The following TMEM236 variants were observed in gnomAD, a reference collection of about 807,000 sequenced individuals.
TMEM236 encodes family with sequence similarity 23, member A.
A neutral mutation model predicts 14.7 loss-of-function variants in TMEM236; 11 were observed. The ratio of observed to expected loss-of-function variants is 0.75; its 90% CI spans 0.47 to 1.24. The LOEUF is 1.24. Ranked by LOEUF, TMEM236 falls within the 50% of genes most tolerant of loss-of-function variation. The pLI, the probability that TMEM236 is intolerant of heterozygous loss-of-function variation, is 0.00. For missense variants in TMEM236, 464 were observed against 427.3 expected (o/e 1.09, Z -0.76); for synonymous variants, 182 against 168.6 (o/e 1.08, Z -0.62).
intron 1 of TMEM236, among the ~76,000 whole-genome samples, chr10:17,754,035 G>A (rs1837247499): frequency 1.3e-5 from 2 of 152,270 alleles, no homozygotes; most frequent in South Asian, 4.2e-4. Flanking sequence ...TATACTGAGT[G>A]ATAATAACAC....
At position 17,768,085 on chromosome 10, in the gene TMEM236, G is replaced by GTTTTTTTTTTTTTTTTTTTTTTTTTTT. The variant is rs1181734908; in HGVS notation, c.258-3224_258-3223insTTTTTTTTTTTTTTTTTTTTTTTTTTT. On this transcript the variant is annotated intron_variant, in intron 1 of 3. Coordinates refer to ENST00000377495, the MANE Select transcript of TMEM236 (RefSeq NM_001098844.3). ...ACCACCACACCTCGCTAATTTTTGT[G>GTTTTTTTTTTTTTTTTTTTTTTTTTTT]GTTTTTTTTTTTTTTTTTTTTTTGT... 3.3e-4 allele frequency among the ~76,000 whole-genome samples: 33 copies of GTTTTTTTTTTTTTTTTTTTTTTTTTTT among 98,828 alleles called. 7 individuals are homozygous for GTTTTTTTTTTTTTTTTTTTTTTTTTTT. The highest frequency in any genetic ancestry group is 1.0e-3 in the African/African-American group (25 of 24,818). The allele number at this position is 98,828 out of a possible 152,430, so 64.8% of individuals were successfully genotyped here.
At position 17,752,320 on chromosome 10, in the gene TMEM236, T is replaced by G; in HGVS notation, c.25T>G (p.Phe9Val). 3 of 1,613,836 alleles carry G rather than the reference T, an allele frequency of 1.9e-6. No individual in the cohort carries two copies. The highest frequency in any genetic ancestry group is 2.5e-6 in the Non-Finnish European group (3 of 1,179,836). ...GATGGCTTCTGGAAGGCTCATTAAG[T>G]TCGTGGTTTTTGAGCTCCTAGAGTT... MASGRLIKFVVFELLEFAA... is the reference protein window; with the variant it reads MASGRLIKVVVFELLEFAA... Residue 9 changes from phenylalanine (F) to valine (V), a missense_variant, in exon 1 of 4, where the codon TTC (phenylalanine) becomes GTC (valine). Physicochemically the swap from Phe to Val is conservative, Grantham distance 50. Transcript: ENST00000377495.
chr10:17,772,319 T>C (rs1162011442), intron 2 of TMEM236, among the ~76,000 whole-genome samples: 3 of 152,172 alleles, frequency 2.0e-5, no homozygotes, highest in Non-Finnish European at 2.9e-5. Context: ...ATTAGGACAA[T>C]GTATGAAGGC....
At chr10:17,769,121 A>G (rs1837526567) in intron 1 of TMEM236, among the ~76,000 whole-genome samples, 1 of 148,928 alleles carries the variant, frequency 6.7e-6, no homozygotes, top group African/African-American at 2.4e-5. Flanking sequence ...TTTTAAAAGC[A>G]TGACTTCATT....
intron 2 of TMEM236, among the ~76,000 whole-genome samples, chr10:17,775,475 T>A (rs1837644513): frequency 6.6e-6 from 1 of 152,168 alleles, no homozygotes; most frequent in Non-Finnish European, 1.5e-5. Flanking sequence ...GGTTCTGGCC[T>A]TGTTGCTCAG....
intron 3 of TMEM236, among the ~76,000 whole-genome samples, chr10:17,786,348 G>T (rs1837837277): frequency 6.6e-6 from 1 of 152,166 alleles, no homozygotes; most frequent in Non-Finnish European, 1.5e-5. Flanking sequence ...TGCATAATGT[G>T]TGGATGTTCT....
intron 3 of TMEM236, among the ~76,000 whole-genome samples, chr10:17,790,461 C>T (rs1837908453): frequency 1.3e-5 from 2 of 152,028 alleles, no homozygotes; most frequent in African/African-American, 4.8e-5. Context: ...GAGGCTGGGG[C>T]AGGAGGATCG....
chr10:17,787,125 T>C (rs1554835764), intron 3 of TMEM236, among the ~76,000 whole-genome samples: 1 of 152,196 alleles, frequency 6.6e-6, no homozygotes, highest in African/African-American at 2.4e-5. Context: ...ACATGCCCTT[T>C]CTTCCCCCTG....
chr10:17,780,190 G>C (rs1049240919), intron 3 of TMEM236, among the ~76,000 whole-genome samples: 14 of 152,126 alleles, frequency 9.2e-5, no homozygotes, highest in African/African-American at 3.4e-4. Context: ...ATGTGGCAGA[G>C]CCAGACTCCT....
chr10:17,796,408 C>T lies in TMEM236; in HGVS notation c.960C>T (p.Gly320=). 5 of 1,613,818 alleles carry T rather than the reference C, an allele frequency of 3.1e-6. No homozygotes were observed. Among genetic ancestry groups the T allele is most frequent in the Non-Finnish European group, 4.2e-6 (5 of 1,179,802 alleles). The change falls in exon 4 of 4, where the codon GGC becomes GGT. Residue 320 remains glycine, a synonymous_variant. Transcript: ENST00000377495. ...IALGTITPVL[G]LCKNILVTLS... ...TGGGGACTATCACACCCGTACTGGGCCTGTGTAAAAATATCCTCGTGACTC... is the reference window on the plus strand; with the variant it reads ...TGGGGACTATCACACCCGTACTGGGTCTGTGTAAAAATATCCTCGTGACTC...
intron 3 of TMEM236, among the ~76,000 whole-genome samples, chr10:17,789,565 A>C (rs1164067380): frequency 6.6e-6 from 1 of 152,104 alleles, no homozygotes; most frequent in African/African-American, 2.4e-5. Flanking sequence ...TGTCTTCCCT[A>C]CCTCAGTGAG....
rs373801362 is a variant in TMEM236 at position 17,771,371 on chromosome 10, C to T, written c.320C>T (p.Ala107Val). The T allele has an allele frequency of 6.2e-7, 1 of 1,613,822 alleles. No individual in the cohort carries two copies. Among genetic ancestry groups the T allele is most frequent in the African/African-American group, 1.3e-5 (1 of 75,044 alleles). Residue 107 changes from alanine (A) to valine (V), a missense_variant, in exon 2 of 4, where the codon GCA becomes GTA. By Grantham distance (64) the Ala-to-Val change is moderately conservative. Coordinates refer to ENST00000377495, the MANE Select transcript of TMEM236 (RefSeq NM_001098844.3). ...CTGCCCTGCCTCACCTTTTCCATAG[C>T]AGTGACTGAGGTATGGAATTTTTGA... ...TTLPCLTFSI[A>V]VTEVQKSING...
intron 1 of TMEM236, among the ~76,000 whole-genome samples, chr10:17,770,484 C>T (rs944948305): frequency 3.9e-5 from 6 of 152,084 alleles, no homozygotes; most frequent in Admixed American, 2.6e-4. Flanking sequence ...CCCGGGTTCA[C>T]GCCGTTCTCC....
chr10:17,793,405 C>T (rs930003508), intron 3 of TMEM236, among the ~76,000 whole-genome samples: 23 of 152,236 alleles, frequency 1.5e-4, no homozygotes, highest in African/African-American at 5.1e-4. Flanking sequence ...GTTTCACCTA[C>T]CAAGAGAGGG....
Position 17,797,634 on chromosome 10 carries a change from G to A in TMEM236, c.*1130G>A, listed in dbSNP as rs1348413465. On this transcript the variant is annotated 3_prime_UTR_variant, in exon 4 of 4. Coordinates refer to ENST00000377495, the MANE Select transcript of TMEM236 (RefSeq NM_001098844.3). ...AAATTTGAAAATTGTAGTTTTAGGG[G>A]TTCCTTCAAAGGTGGAATTATATTC... The A allele has an allele frequency of 6.6e-6, 1 of 152,120 alleles. No individual in the cohort carries two copies. The highest frequency in any genetic ancestry group is 1.5e-5 in the Non-Finnish European group (1 of 68,032). 9.4% of individuals were successfully genotyped at this position (152,120 alleles called of 1,614,324 possible). A position where few individuals can be genotyped will look rare whatever the true frequency, so the allele number is the denominator to read the frequency against.
intron 1 of TMEM236, among the ~76,000 whole-genome samples, chr10:17,769,567 AAG>A (rs1837533123): frequency 6.6e-6 from 1 of 152,200 alleles, no homozygotes. Context: ...GGTTGAGAAG[AAG>A]AGAACTTTAT....
chr10:17,755,974 C>T (rs909029507), intron 1 of TMEM236, among the ~76,000 whole-genome samples: 15 of 152,152 alleles, frequency 9.9e-5, no homozygotes, highest in South Asian at 2.1e-4. Flanking sequence ...TACAGAAACA[C>T]GTACTTCATA....
At chr10:17,776,322 T>C in intron 3 of TMEM236, 152 bp downstream of exon 3, 1 of 816,026 alleles carries the variant, frequency 1.2e-6, no homozygotes, top group Non-Finnish European at 1.9e-6. Flanking sequence ...CTAAACATAA[T>C]TATTTTTAAA....
intron 3 of TMEM236, among the ~76,000 whole-genome samples, chr10:17,795,494 G>A (rs1421403627): frequency 6.6e-6 from 1 of 152,190 alleles, no homozygotes; most frequent in Non-Finnish European, 1.5e-5. Context: ...TTATGGAGTG[G>A]TAAAAAATGA....
Sources: allele counts gnomAD v4.1 joint callset (sites outside exome capture counted in the v4.1 genomes callset), GRCh38; gene constraint gnomAD v4.1.1; transcripts MANE v1.5; gene names NCBI Gene and HGNC (gene_info 2026-07-23, HGNC 2026-07-21).